Variants in CALN1 observed in about 807,000 individuals in gnomAD.
CALN1 encodes the protein calcium-binding protein 8.
A neutral mutation model predicts 30.6 loss-of-function variants in CALN1; 17 were observed. The ratio of observed to expected loss-of-function variants is 0.56; its 90% confidence interval spans 0.38 to 0.83. The LOEUF (loss-of-function observed/expected upper bound fraction) is 0.83. Among genes scored for constraint, CALN1 ranks in the 40% least tolerant of loss-of-function variants. The pLI is 0.00. For synonymous variants in CALN1, 156 were observed against 131.4 expected, an observed-to-expected ratio of 1.19 and a Z score of -1.28; for missense variants, 291 against 354.9, an observed-to-expected ratio of 0.82 and a Z score of 1.45.
intron 5 of CALN1, among the ~76,000 whole-genome samples, chr7:71,847,712 GAAGAAAGAAGAAGA>G (rs879371010): frequency 0.013 from 1,296 of 102,666 alleles, 23 homozygotes; most frequent in African/African-American, 0.062. Flanking sequence ...AAAGAAGAAA[GAAGAAAGAAGAAGA>G]AAGAAGAAAG....
At chr7:72,048,564 CCT>C (rs1318228840) in intron 4 of CALN1, among the ~76,000 whole-genome samples, 1 of 152,086 alleles carries the variant, frequency 6.6e-6, no homozygotes, top group East Asian at 1.9e-4. Context: ...TTCATATACT[CCT>C]CTGTTATGTT....
intron 5 of CALN1, among the ~76,000 whole-genome samples, chr7:71,993,402 G>A (rs934327542): frequency 2.0e-5 from 3 of 151,764 alleles, no homozygotes; most frequent in African/African-American, 7.3e-5. Context: ...GGAGTTTGAG[G>A]CTGCAGTGAG....
At chr7:72,165,936 AC>A (rs1213200868) in intron 3 of CALN1, among the ~76,000 whole-genome samples, 2 of 152,136 alleles carry the variant, frequency 1.3e-5, no homozygotes. Flanking sequence ...GTTAGGATCA[AC>A]CAACTATGTG....
At chr7:72,323,910 G>A (rs1801080902) in intron 2 of CALN1, among the ~76,000 whole-genome samples, 1 of 151,938 alleles carries the variant, frequency 6.6e-6, no homozygotes, top group African/African-American at 2.4e-5. Context: ...CGGGTGCTGT[G>A]GCACACGTCT....
chr7:72,390,162 G>A (rs1404571656), intron 2 of CALN1, among the ~76,000 whole-genome samples: 6 of 151,964 alleles, frequency 3.9e-5, no homozygotes, highest in Admixed American at 1.3e-4. Flanking sequence ...CGGGCACGGC[G>A]ACTCACCCCT....
intron 5 of CALN1, among the ~76,000 whole-genome samples, chr7:71,853,817 T>C (rs191951905): frequency 1.2e-3 from 187 of 152,200 alleles, no homozygotes; most frequent in African/African-American, 4.2e-3. Context: ...TGATCTCAGG[T>C]AATCCGCCCA....
chr7:72,048,962 C>T (rs925665506), intron 4 of CALN1, among the ~76,000 whole-genome samples: 4 of 152,100 alleles, frequency 2.6e-5, no homozygotes, highest in African/African-American at 9.7e-5. Flanking sequence ...AGGTGCACAC[C>T]ACCATGCCCA....
intron 3 of CALN1, among the ~76,000 whole-genome samples, chr7:72,148,423 AAAAAAAG>A (rs1284692536): frequency 3.5e-5 from 5 of 143,044 alleles, no homozygotes; most frequent in African/African-American, 9.9e-5. Flanking sequence ...AAAAAAAAGA[AAAAAAAG>A]AAAAAAGAAA....
chr7:72,378,153 TAGATG>T (rs1197807263), intron 2 of CALN1, among the ~76,000 whole-genome samples: 4 of 152,152 alleles, frequency 2.6e-5, no homozygotes, highest in African/African-American at 9.7e-5. Flanking sequence ...ATTTCCAAGT[TAGATG>T]AGAAAAAGTC....
intron 4 of CALN1, among the ~76,000 whole-genome samples, chr7:72,042,523 G>A (rs940320162): frequency 1.3e-5 from 2 of 152,106 alleles, no homozygotes; most frequent in African/African-American, 4.8e-5. Context: ...GGTTTTCATT[G>A]GGAGCTGGTC....
chr7:72,302,102 G>C (rs75558862), intron 2 of CALN1, among the ~76,000 whole-genome samples: 15 of 152,004 alleles, frequency 9.9e-5, no homozygotes, highest in African/African-American at 2.9e-4. Context: ...AAATAGGAGA[G>C]AAAATTCAAA....
At chr7:72,380,240 T>C (rs1397430428) in intron 2 of CALN1, among the ~76,000 whole-genome samples, 1 of 151,936 alleles carries the variant, frequency 6.6e-6, no homozygotes, top group African/African-American at 2.4e-5. Flanking sequence ...CAAGCTTCAA[T>C]GAAAATGAAA....
At chr7:72,280,218 C>T (rs894770311) in intron 2 of CALN1, among the ~76,000 whole-genome samples, 10 of 152,130 alleles carry the variant, frequency 6.6e-5, no homozygotes, top group South Asian at 2.1e-4. Flanking sequence ...AGGTGCTTTT[C>T]GCTCATCACA....
intron 5 of CALN1, among the ~76,000 whole-genome samples, chr7:71,869,675 C>T (rs1363505634): frequency 1.3e-5 from 2 of 152,194 alleles, no homozygotes; most frequent in Non-Finnish European, 2.9e-5. Context: ...CTCTGCCATC[C>T]TGTTAACCTG....
At chr7:72,286,888 T>C (rs1798116423) in intron 2 of CALN1, among the ~76,000 whole-genome samples, 1 of 152,196 alleles carries the variant, frequency 6.6e-6, no homozygotes, top group African/African-American at 2.4e-5. Flanking sequence ...ACAAGGTGTC[T>C]ATGACACAGG....
intron 6 of CALN1, among the ~76,000 whole-genome samples, chr7:71,791,863 T>A (rs905013316): frequency 6.6e-6 from 1 of 152,028 alleles, no homozygotes; most frequent in East Asian, 1.9e-4. Flanking sequence ...AGAAAAAAAT[T>A]AGCCGGGCGT....
intron 5 of CALN1, among the ~76,000 whole-genome samples, chr7:71,970,947 G>A (rs954081998): frequency 6.6e-6 from 1 of 152,192 alleles, no homozygotes; most frequent in African/African-American, 2.4e-5. Flanking sequence ...CCAAGCCTGT[G>A]CAGGTTCACT....
chr7:72,156,257 G>C (rs1392099159), intron 3 of CALN1, among the ~76,000 whole-genome samples: 1 of 152,174 alleles, frequency 6.6e-6, no homozygotes. Flanking sequence ...AATAATGGAA[G>C]ATTGTTTTCC....
chr7:72,309,352 T>A (rs1447951003), intron 2 of CALN1, among the ~76,000 whole-genome samples: 2 of 151,998 alleles, frequency 1.3e-5, no homozygotes, highest in Non-Finnish European at 2.9e-5. Context: ...TGTGTGCAAA[T>A]AAATCCACTG....
Sources: allele counts gnomAD v4.1 joint callset (sites outside exome capture counted in the v4.1 genomes callset), GRCh38; gene constraint gnomAD v4.1.1; transcripts MANE v1.5; gene names NCBI Gene and HGNC (gene_info 2026-07-23, HGNC 2026-07-21).